Variants in OR10K1 observed in about 807,000 individuals in gnomAD.
OR10K1 encodes the protein olfactory receptor family 10 subfamily K member 1.
For missense variants in OR10K1, 404 were observed against 373.3 expected, an observed-to-expected ratio of 1.08 and a Z score of -0.68; for synonymous variants, 186 against 152.5, an observed-to-expected ratio of 1.22 and a Z score of -1.62.
At position 158,467,340 on chromosome 1, in the gene OR10K1, C is replaced by A. The variant is rs1656068037; in HGVS notation, c.*837C>A. ...ACTCCCTTTGCCCTACAAGATAATG[C>A]CAAGGGTCCTTCATTGTCATGAATC... is the stretch of plus-strand genomic sequence containing the variant. On this transcript the variant is annotated 3_prime_UTR_variant, in exon 2 of 2. Transcript: ENST00000641535. The A allele has an allele frequency of 6.6e-6, 1 of 152,126 alleles. No homozygotes were observed. The highest frequency in any genetic ancestry group is 6.6e-5 in the Admixed American group (1 of 15,254). 9.4% of individuals were successfully genotyped at this position (152,126 alleles called of 1,614,324 possible).
rs942739568 is a variant in OR10K1, at chr1:158,465,309, C to T, written c.-156-97C>T. ...GAAAACTATTAGCAAATTTCCTAAT[C>T]CTTGGTCAGAGAGATAACCTGTTCT... On this transcript the variant is annotated intron_variant, in intron 1 of 1. Coordinates refer to ENST00000641535, the MANE Select transcript of OR10K1 (RefSeq NM_001004473.2). 7.6e-6 allele frequency: 4 copies of T among 528,666 alleles called. No individual in the cohort carries two copies. The East Asian group carries it at 9.3e-5, about 12-fold the overall frequency. 32.7% of individuals were successfully genotyped at this position (528,666 alleles called of 1,614,324 possible).
At chr1:158,463,389 A>G (rs929181896) in intron 1 of OR10K1, among the ~76,000 whole-genome samples, 6 of 152,192 alleles carry the variant, frequency 3.9e-5, no homozygotes, top group African/African-American at 1.4e-4. Context: ...GAATCCATAG[A>G]TCATAAAAAG....
At chr1:158,464,469 T>G (rs952005511) in intron 1 of OR10K1, among the ~76,000 whole-genome samples, 9 of 152,120 alleles carry the variant, frequency 5.9e-5, no homozygotes, top group Non-Finnish European at 1.3e-4. Flanking sequence ...GCTCTGTCAT[T>G]TCTACAAAAC....
At position 158,465,339 on chromosome 1, in the gene OR10K1, A is replaced by C. The variant is rs1259231036; in HGVS notation, c.-156-67A>C. On this transcript the variant is annotated intron_variant, in intron 1 of 1. Coordinates refer to ENST00000641535, the MANE Select transcript of OR10K1 (RefSeq NM_001004473.2). Reference sequence around the variant, plus strand: ...GTCAGAGAGATAACCTGTTCTTCACATTAGAGAAGGCCTCCAAACTGGCTA... The same window carrying C: ...GTCAGAGAGATAACCTGTTCTTCACCTTAGAGAAGGCCTCCAAACTGGCTA... The C allele has an allele frequency of 3.1e-5, 18 of 581,758 alleles. No individual in the cohort carries two copies. The South Asian group carries it at 3.8e-4, about 12-fold the overall frequency. The allele number at this position is 581,758 out of a possible 1,614,324, so 36.0% of individuals were successfully genotyped here. A position where few individuals can be genotyped will look rare whatever the true frequency, so the allele number is the denominator to read the frequency against.
At chr1:158,462,593 A>T (rs970890995) in intron 1 of OR10K1, among the ~76,000 whole-genome samples, 2 of 152,182 alleles carry the variant, frequency 1.3e-5, no homozygotes, top group Non-Finnish European at 2.9e-5. Flanking sequence ...CTCCATTTTA[A>T]TATGGCAATC....
Position 158,465,637 on chromosome 1 carries a change from C to T in OR10K1, c.76C>T (p.Leu26=), listed in dbSNP as rs752020055. 4.3e-6 allele frequency: 7 copies of T among 1,614,008 alleles called. No homozygotes were observed. The East Asian group carries it at 1.6e-4, about 36-fold the overall frequency. ...GFSSLARLQQ[L]LFVIFLLLYL... ...CTCATCCCTGGCCAGGCTGCAGCAG[C>T]TGCTCTTTGTTATCTTCCTGCTCCT... is the stretch of plus-strand genomic sequence containing the variant. Residue 26 remains leucine, a synonymous_variant, in exon 2 of 2, where the codon CTG becomes TTG. Coordinates refer to ENST00000641535, the MANE Select transcript of OR10K1 (RefSeq NM_001004473.2).
intron 1 of OR10K1, among the ~76,000 whole-genome samples, chr1:158,463,558 T>C (rs1451181494): frequency 6.6e-6 from 1 of 152,230 alleles, no homozygotes; most frequent in African/African-American, 2.4e-5. Context: ...TCCTTCAGAA[T>C]CAGAGAATTC....
intron 1 of OR10K1, among the ~76,000 whole-genome samples, chr1:158,464,434 C>T (rs939085655): frequency 1.3e-5 from 2 of 152,068 alleles, no homozygotes; most frequent in African/African-American, 4.8e-5. Context: ...CCAAGTGTGC[C>T]ATTCTCTCTC....
rs1400582794 is a variant in OR10K1, at chr1:158,466,567, T to C, written c.*64T>C. The C allele has an allele frequency of 1.0e-6, 1 of 996,586 alleles. No individual in the cohort carries two copies. Among genetic ancestry groups the C allele is most frequent in the Non-Finnish European group, 1.5e-6 (1 of 648,104 alleles). The allele number at this position is 996,586 out of a possible 1,614,324, so 61.7% of individuals were successfully genotyped here. On this transcript the variant is annotated 3_prime_UTR_variant, in exon 2 of 2. Coordinates refer to ENST00000641535, the MANE Select transcript of OR10K1 (RefSeq NM_001004473.2). Reference sequence around the variant, plus strand: ...AGGCAGAACGTGTGTTTTATACATTTTTTTTCATTTAATTGTCCAGCTCCA... The same window carrying C: ...AGGCAGAACGTGTGTTTTATACATTCTTTTTCATTTAATTGTCCAGCTCCA...
Position 158,465,935 on chromosome 1 carries a change from C to A in OR10K1, c.374C>A (p.Ala125Asp). 6.2e-7 allele frequency: 1 copy of A among 1,614,154 alleles called. No homozygotes were observed. Among genetic ancestry groups the A allele is most frequent in the African/African-American group, 1.3e-5 (1 of 75,042 alleles). ...LAAMGYDRYM[A>D]ICNPLRYSVL... ...GCCATGGGCTATGATCGCTATATGGCCATCTGTAACCCACTGCGCTACTCA... is the reference window on the plus strand; with the variant it reads ...GCCATGGGCTATGATCGCTATATGGACATCTGTAACCCACTGCGCTACTCA... Residue 125 changes from alanine to aspartate, a missense_variant, in exon 2 of 2, where the codon GCC (alanine) becomes GAC (aspartate). Transcript: ENST00000641535.
Position 158,466,272 on chromosome 1 carries a change from C to T in OR10K1, c.711C>T (p.Thr237=). The stretch of plus-strand genomic sequence containing the variant: ...CTTCCTCCGTTGGAAGATACAAGAC[C>T]TTCTCCACCTGTGCCTCCCATCTCA... ...KIPSSVGRYK[T]FSTCASHLIV... Residue 237 remains threonine (T), a synonymous_variant, in exon 2 of 2, where the codon ACC becomes ACT. Coordinates refer to ENST00000641535, the MANE Select transcript of OR10K1 (RefSeq NM_001004473.2). The T allele has an allele frequency of 1.2e-6, 2 of 1,614,126 alleles. No individual in the cohort carries two copies. Among genetic ancestry groups the T allele is most frequent in the South Asian group, 2.2e-5 (2 of 91,082 alleles).
In OR10K1 at chr1:158,465,782, C is replaced by T. The variant is rs78779179; in HGVS notation, c.221C>T (p.Thr74Ile). Residue 74 changes from threonine to isoleucine, a missense_variant, in exon 2 of 2, where the codon ACC (threonine) becomes ATC (isoleucine). Transcript: ENST00000641535. The part of the protein sequence containing the change: ...AILSCSEICY[T>I]FVIVPKMLVD... ...CTTTCTTGCTCTGAGATTTGCTATA[C>T]CTTTGTCATTGTACCCAAGATGCTG... The T allele has an allele frequency of 6.9e-3, 11,176 of 1,614,178 alleles. 570 individuals are homozygous for T. The African/African-American group carries it at 0.12, about 18-fold the overall frequency.
In OR10K1 at chr1:158,465,527, T is replaced by G; in HGVS notation, c.-35T>G. The stretch of plus-strand genomic sequence containing the variant: ...TCCTTTCTGGATCCTGGTTTCTACC[T>G]CTGTCCCTGACTCTCCTTTATAGAA... On this transcript the variant is annotated 5_prime_UTR_variant, in exon 2 of 2. Coordinates refer to ENST00000641535, the MANE Select transcript of OR10K1 (RefSeq NM_001004473.2). 6.5e-7 allele frequency: 1 copy of G among 1,539,094 alleles called. No individual in the cohort carries two copies. The highest frequency in any genetic ancestry group is 8.9e-7 in the Non-Finnish European group (1 of 1,120,404).
intron 1 of OR10K1, 122 bp downstream of exon 1, chr1:158,462,026 T>A (rs61820484): frequency 0.11 from 16,331 of 152,150 alleles, 1,158 homozygotes; most frequent in East Asian, 0.26. Context: ...ACCCCTGCAA[T>A]CCCAACACTT....
chr1:158,465,966 C>A lies in OR10K1; in HGVS notation c.405C>A (p.Leu135=). ...GTAACCCACTGCGCTACTCAGTGCTCATGGGACATGGGGTGTGTATGGGAC... is the reference window on the plus strand; with the variant it reads ...GTAACCCACTGCGCTACTCAGTGCTAATGGGACATGGGGTGTGTATGGGAC... ...AICNPLRYSV[L]MGHGVCMGLM... is the part of the protein sequence containing the mutation. The change falls in exon 2 of 2, where the codon CTC becomes CTA. Residue 135 remains leucine, a synonymous_variant. Coordinates refer to ENST00000641535, the MANE Select transcript of OR10K1 (RefSeq NM_001004473.2). The A allele has an allele frequency of 6.2e-7, 1 of 1,614,150 alleles. No individual in the cohort carries two copies. Among genetic ancestry groups the A allele is most frequent in the Non-Finnish European group, 8.5e-7 (1 of 1,180,022 alleles).
Position 158,466,123 on chromosome 1 carries a change from G to A in OR10K1, c.562G>A (p.Ala188Thr). 2 of 1,613,788 alleles carry A rather than the reference G, an allele frequency of 1.2e-6. No homozygotes were observed. Among genetic ancestry groups the A allele is most frequent in the East Asian group, 2.2e-5 (1 of 44,876 alleles). The change falls in exon 2 of 2, where the codon GCA becomes ACA. Residue 188 changes from alanine to threonine, a missense_variant. Ala to Thr is a moderately conservative substitution (Grantham distance 58). Transcript: ENST00000641535. Reference sequence around the variant, plus strand: ...TGACATCTCCCCTGTCCTTAAACTGGCATCTCAGCACTCCGGCTTCAGTCA... The same window carrying A: ...TGACATCTCCCCTGTCCTTAAACTGACATCTCAGCACTCCGGCTTCAGTCA... ...FCDISPVLKL[A>T]SQHSGFSQLV...
chr1:158,465,598 G>A lies in OR10K1; in HGVS notation c.37G>A (p.Val13Ile), dbSNP rs148047665. The change falls in exon 2 of 2, where the codon GTC becomes ATC. Residue 13 changes from valine (V) to isoleucine (I), a missense_variant. Physicochemically the swap from Val to Ile is conservative, Grantham distance 29 (BLOSUM62 3). Coordinates refer to ENST00000641535, the MANE Select transcript of OR10K1 (RefSeq NM_001004473.2). Reference protein sequence around the residue: ...QVNKTVVREFVVLGFSSLARL... With the variant: ...QVNKTVVREFIVLGFSSLARL... ...CAATAAGACTGTGGTGAGAGAGTTC[G>A]TCGTCCTCGGCTTCTCATCCCTGGC... 1.5e-5 allele frequency: 24 copies of A among 1,614,026 alleles called. No individual in the cohort carries two copies. The highest frequency in any genetic ancestry group is 6.7e-5 in the African/African-American group (5 of 74,984).
Position 158,466,480 on chromosome 1 carries a change from C to G in OR10K1, c.919C>G (p.Gln307Glu), listed in dbSNP as rs775548338. 5.6e-6 allele frequency: 9 copies of G among 1,613,108 alleles called. No homozygotes were observed. The Admixed American group carries it at 1.5e-4, about 27-fold the overall frequency. ...ATCAGCCCTACGAAGAACAATCGGC[C>G]AAACTTTCTATCCTCTTAGTTAAAG... Reference protein sequence around the residue: ...FKSALRRTIGQTFYPLS With the variant: ...FKSALRRTIGETFYPLS The change falls in exon 2 of 2, where the codon CAA becomes GAA. Residue 307 changes from glutamine to glutamate, a missense_variant. Gln to Glu is a conservative substitution (Grantham distance 29). Transcript: ENST00000641535.
At position 158,465,757 on chromosome 1, in the gene OR10K1, C is replaced by A; in HGVS notation, c.196C>A (p.Leu66Ile). The change falls in exon 2 of 2, where the codon CTT (leucine) becomes ATT (isoleucine). Residue 66 changes from leucine to isoleucine, a missense_variant. Transcript: ENST00000641535. Reference protein sequence around the residue: ...HTPMYFFLAILSCSEICYTFV... With the variant: ...HTPMYFFLAIISCSEICYTFV... ...TCCCATGTACTTCTTCCTTGCCATC[C>A]TTTCTTGCTCTGAGATTTGCTATAC... 6.2e-7 allele frequency: 1 copy of A among 1,614,200 alleles called. No homozygotes were observed. Among genetic ancestry groups the A allele is most frequent in the Non-Finnish European group, 8.5e-7 (1 of 1,180,038 alleles).
Sources: gnomAD v4.1 joint callset for allele counts (sites outside exome capture counted in the v4.1 genomes callset) on GRCh38, gnomAD v4.1.1 for gene constraint, MANE v1.5 for transcripts, NCBI Gene and HGNC (gene_info 2026-07-23, HGNC 2026-07-21) for gene names.